TGFB2: variants seen among roughly 807,000 people sequenced by gnomAD.
The protein encoded by TGFB2 is transforming growth factor beta 2.
In TGFB2, 13 loss-of-function variants were observed where a neutral mutation model predicts 42.7. The ratio of observed to expected loss-of-function variants is 0.30; its 90% CI spans 0.20 to 0.48. The LOEUF (loss-of-function observed/expected upper bound fraction) is 0.48, where lower values mean the gene tolerates loss of function less well. Among genes scored for constraint, TGFB2 ranks in the 20% least tolerant of loss-of-function variants. The pLI, the probability that TGFB2 is intolerant of heterozygous loss-of-function variation, is 0.99. For missense variants in TGFB2, 390 were observed against 517.5 expected, an observed-to-expected ratio of 0.75 and a Z score of 2.39; for synonymous variants, 193 against 193.6, an observed-to-expected ratio of 1.00 and a Z score of 0.03.
At chr1:218,437,553 A>T in intron 6 of TGFB2, 57 bp downstream of exon 6, 1 of 1,516,446 alleles carries the variant, frequency 6.6e-7, no homozygotes, top group Non-Finnish European at 8.9e-7. Context: ...GCACCTGCTG[A>T]TAGTATTTCC....
Position 218,382,009 on chromosome 1 carries a change from G to A in TGFB2, c.347-23160G>A, listed in dbSNP as rs143789831. Among the ~76,000 whole-genome samples, 390 of 152,204 alleles carry A rather than the reference G, an allele frequency of 2.6e-3. 2 individuals are homozygous for A. The highest frequency in any genetic ancestry group is 7.8e-3 in the African/African-American group (326 of 41,532). On this transcript the variant is annotated intron_variant, in intron 1 of 6. Transcript: ENST00000366930. ...CCATCTGATGAATAAATTTTAAGGG[G>A]ATTCCTGCAGGTCAGCAGAAAGAGA...
At chr1:218,349,782 A>G (rs1477412117) in intron 1 of TGFB2, among the ~76,000 whole-genome samples, 1 of 152,242 alleles carries the variant, frequency 6.6e-6, no homozygotes, top group Non-Finnish European at 1.5e-5. Context: ...ATTTTGTCTT[A>G]AATATTATCC....
chr1:218,413,501 G>T (rs1209559556), intron 2 of TGFB2, among the ~76,000 whole-genome samples: 1 of 152,194 alleles, frequency 6.6e-6, no homozygotes, highest in Non-Finnish European at 1.5e-5. Flanking sequence ...CTACAGAGAG[G>T]CAGGGCATCC....
At chr1:218,426,607 TG>T (rs1237220801) in intron 2 of TGFB2, among the ~76,000 whole-genome samples, 3 of 152,210 alleles carry the variant, frequency 2.0e-5, no homozygotes, top group Admixed American at 6.5e-5. Context: ...AACATCACTG[TG>T]GGTGGCAGCT....
At chr1:218,387,785 G>A (rs1658185853) in intron 1 of TGFB2, among the ~76,000 whole-genome samples, 2 of 152,322 alleles carry the variant, frequency 1.3e-5, no homozygotes, top group South Asian at 4.1e-4. Context: ...GCAGACTTGT[G>A]AGAAAAGGTG....
Position 218,442,679 on chromosome 1 carries a change from T to G in TGFB2, c.*1317T>G, listed in dbSNP as rs1660195872. The G allele has an allele frequency of 6.6e-6, 1 of 152,106 alleles. No homozygotes were observed. Among genetic ancestry groups the G allele is most frequent in the African/African-American group, 2.4e-5 (1 of 41,452 alleles). The allele number at this position is 152,106 out of a possible 1,614,324, so 9.4% of individuals were successfully genotyped here. ...TGGGTCCACTTGTCTTTTCTTTTTT[T>G]TGTTTCACAGAAAAGATGGGTTCGA... On this transcript the variant is annotated 3_prime_UTR_variant, in exon 7 of 7. Transcript: ENST00000366930.
chr1:218,349,630 AT>A (rs1656805108), intron 1 of TGFB2, among the ~76,000 whole-genome samples: 1 of 152,222 alleles, frequency 6.6e-6, no homozygotes, highest in African/African-American at 2.4e-5. Flanking sequence ...ATATGCTCTA[AT>A]TATACTCAAT....
chr1:218,443,942 C>G lies in TGFB2; in HGVS notation c.*2580C>G, dbSNP rs544454418. 2.6e-5 allele frequency: 4 copies of G among 152,018 alleles called. No individual in the cohort carries two copies. Among genetic ancestry groups the G allele is most frequent in the African/African-American group, 7.3e-5 (3 of 41,360 alleles). 9.4% of individuals were successfully genotyped at this position (152,018 alleles called of 1,614,324 possible). On this transcript the variant is annotated 3_prime_UTR_variant, in exon 7 of 7. Coordinates refer to ENST00000366930, the MANE Select transcript of TGFB2 (RefSeq NM_003238.6). ...TGACCAATTACGCTGTATTTTAACA[C>G]GATGTATGTCTGTTTTTGTGGTGCT... is the stretch of plus-strand genomic sequence containing the variant.
chr1:218,385,006 A>T (rs893675207), intron 1 of TGFB2, among the ~76,000 whole-genome samples: 5 of 152,170 alleles, frequency 3.3e-5, no homozygotes, highest in Non-Finnish European at 7.3e-5. Context: ...TCGTATTATT[A>T]TATGCATTGA....
At chr1:218,360,452 A>G (rs1177544553) in intron 1 of TGFB2, among the ~76,000 whole-genome samples, 1 of 152,128 alleles carries the variant, frequency 6.6e-6, no homozygotes, top group Non-Finnish European at 1.5e-5. Context: ...GCGTTCTTCT[A>G]AAAATATCAG....
chr1:218,363,295 A>C (rs1471805302), intron 1 of TGFB2: 1 of 1,538,264 alleles, frequency 6.5e-7, no homozygotes, highest in Admixed American at 1.7e-5. Context: ...GCATCTCTTC[A>C]GTAAAATAGC....
rs189575613 is a variant in TGFB2, at chr1:218,378,562, C to G, written c.347-26607C>G. On this transcript the variant is annotated intron_variant, in intron 1 of 6. Transcript: ENST00000366930. ...CTTCTGACCTCAAGTGCTCCTCCCC[C>G]CTCGGCCTCCCAAAGTGCTGGGATT... 3.8e-3 allele frequency among the ~76,000 whole-genome samples: 586 copies of G among 152,234 alleles called. 5 individuals are homozygous for G. The highest frequency in any genetic ancestry group is 0.013 in the African/African-American group (558 of 41,542).
Position 218,381,510 on chromosome 1 carries a change from TC to T in TGFB2, c.347-23656del, listed in dbSNP as rs542620436. Among the ~76,000 whole-genome samples, 524 of 152,218 alleles carry T rather than the reference TC, an allele frequency of 3.4e-3. 2 individuals carry two copies. The highest frequency in any genetic ancestry group is 0.012 in the African/African-American group (492 of 41,536). On this transcript the variant is annotated intron_variant, in intron 1 of 6. Transcript: ENST00000366930. Reference sequence around the variant, plus strand: ...ACCTCGTGATCCACCCGCCTCGGCCTCCCAAAGTGCTGGGAGTACAGGTGTG... The same window carrying T: ...ACCTCGTGATCCACCCGCCTCGGCCTCCAAAGTGCTGGGAGTACAGGTGTG...
rs570199280 is a variant in TGFB2 at position 218,375,787 on chromosome 1, G to A, written c.346+28740G>A. On this transcript the variant is annotated intron_variant, in intron 1 of 6. Coordinates refer to ENST00000366930, the MANE Select transcript of TGFB2 (RefSeq NM_003238.6). ...ACGGGATATTGAGGGAGGAGGGAGA[G>A]CATCAGGAGGAATAGCTAATGGATG... Among the ~76,000 whole-genome samples, 8 of 152,210 alleles carry A rather than the reference G, an allele frequency of 5.3e-5. No homozygotes were observed. The South Asian group carries it at 1.2e-3, about 24-fold the overall frequency.
At chr1:218,423,175 G>A (rs146441503) in intron 2 of TGFB2, among the ~76,000 whole-genome samples, 8 of 152,200 alleles carry the variant, frequency 5.3e-5, no homozygotes, top group East Asian at 3.9e-4. Context: ...TTAATAACAC[G>A]GTTTTGACCT....
chr1:218,408,665 C>A (rs988242574), intron 2 of TGFB2, among the ~76,000 whole-genome samples: 6 of 152,088 alleles, frequency 3.9e-5, no homozygotes, highest in African/African-American at 1.4e-4. Flanking sequence ...AGCCTCTTGT[C>A]TTTTATTGCT....
intron 1 of TGFB2, among the ~76,000 whole-genome samples, chr1:218,377,593 T>C (rs201084935): frequency 9.2e-5 from 14 of 152,174 alleles, no homozygotes; most frequent in East Asian, 1.9e-4. Flanking sequence ...GTATTTTACA[T>C]TGGGAGATAC....
intron 2 of TGFB2, 21 bp from the exon 3 acceptor site, chr1:218,434,061 C>G: frequency 6.2e-7 from 1 of 1,612,226 alleles, no homozygotes; most frequent in Non-Finnish European, 8.5e-7. Context: ...AGCCTTTTCT[C>G]TTGCTCTTTT....
chr1:218,434,753 A>G (rs1161924569), intron 4 of TGFB2, among the ~76,000 whole-genome samples: 2 of 152,212 alleles, frequency 1.3e-5, no homozygotes, highest in African/African-American at 4.8e-5. Context: ...CCAACTTTCC[A>G]TCTATACTGA....
Sources: allele counts gnomAD v4.1 joint callset (sites outside exome capture counted in the v4.1 genomes callset), GRCh38; gene constraint gnomAD v4.1.1; transcripts MANE v1.5; gene names NCBI Gene and HGNC (gene_info 2026-07-23, HGNC 2026-07-21).